RNF2: variants seen among roughly 807,000 people sequenced by gnomAD.
RNF2 encodes ring finger protein 2.
RNF2 carries 6 observed loss-of-function variants against 37.2 expected under a neutral mutation model. That is an observed-to-expected ratio of 0.16 (90% confidence interval 0.09 to 0.32). RNF2 has a LOEUF of 0.32. RNF2 is among the 10% of genes least tolerant of loss of function. The pLI is 1.00. For synonymous variants in RNF2, 133 were observed against 132.7 expected (o/e 1.00, Z -0.02); for missense variants, 251 against 404.0 (o/e 0.62, Z 3.25).
chr1:185,078,660 A>G (rs1651247432), intron 1 of RNF2, among the ~76,000 whole-genome samples: 1 of 152,204 alleles, frequency 6.6e-6, no homozygotes, highest in Non-Finnish European at 1.5e-5. Flanking sequence ...TACAAATCCC[A>G]GCACTTTGGG....
At position 185,072,711 on chromosome 1, in the gene RNF2, C is replaced by T. The variant is rs372720129; in HGVS notation, c.-2-14841C>T. Among the ~76,000 whole-genome samples, 8 of 152,146 alleles carry T rather than the reference C, an allele frequency of 5.3e-5. No individual in the cohort carries two copies. The East Asian group carries it at 7.7e-4, about 15-fold the overall frequency. On this transcript the variant is annotated intron_variant, in intron 1 of 6. Transcript: ENST00000367510. ...ATCCCAGCACTTTGGGAGGCTGAGG[C>T]GGGCGGATCATGAGGTCAGGAGATC...
chr1:185,054,070 G>A (rs1194357587), intron 1 of RNF2, among the ~76,000 whole-genome samples: 1 of 151,964 alleles, frequency 6.6e-6, no homozygotes, highest in Non-Finnish European at 1.5e-5. Context: ...TTTTGTATAT[G>A]TGTACTTATT....
chr1:185,077,414 G>A (rs1651201543), intron 1 of RNF2, among the ~76,000 whole-genome samples: 1 of 151,846 alleles, frequency 6.6e-6, no homozygotes, highest in African/African-American at 2.4e-5. Flanking sequence ...TAACAGGAAT[G>A]TGTCAAAAGT....
chr1:185,073,075 T>TA (rs1359386787), intron 1 of RNF2, among the ~76,000 whole-genome samples: 1 of 143,158 alleles, frequency 7.0e-6, no homozygotes, highest in Non-Finnish European at 1.5e-5. Flanking sequence ...TTTTTTTTTT[T>TA]ACTTAATGTG....
chr1:185,095,850 G>C (rs1651896501), intron 4 of RNF2, among the ~76,000 whole-genome samples: 1 of 152,038 alleles, frequency 6.6e-6, no homozygotes. Context: ...CCCTCTAAAG[G>C]CTTAATATTC....
At chr1:185,075,843 T>G (rs977640298) in intron 1 of RNF2, among the ~76,000 whole-genome samples, 1 of 152,254 alleles carries the variant, frequency 6.6e-6, no homozygotes, top group Admixed American at 6.5e-5. Flanking sequence ...CCACAAATCT[T>G]AAACCATATC....
At chr1:185,060,426 G>A (rs558290623) in intron 1 of RNF2, among the ~76,000 whole-genome samples, 5 of 152,308 alleles carry the variant, frequency 3.3e-5, no homozygotes, top group South Asian at 2.1e-4. Flanking sequence ...TATTATCTGA[G>A]TAGGGATATG....
At position 185,083,130 on chromosome 1, in the gene RNF2, G is replaced by A. The variant is rs115514080; in HGVS notation, c.-2-4422G>A. Among the ~76,000 whole-genome samples, 811 of 152,194 alleles carry A rather than the reference G, an allele frequency of 5.3e-3. 8 individuals are homozygous for A. Among genetic ancestry groups the A allele is most frequent in the Middle Eastern group, 0.02 (6 of 294 alleles). On this transcript the variant is annotated intron_variant, in intron 1 of 6. Transcript: ENST00000367510. ...CCCTGCTTCTTTGTTTGCTAATACGGAACAAAGCCTCTTATTTTTCTGCTT... is the reference window on the plus strand; with the variant it reads ...CCCTGCTTCTTTGTTTGCTAATACGAAACAAAGCCTCTTATTTTTCTGCTT...
At chr1:185,057,279 C>G (rs1372601481) in intron 1 of RNF2, among the ~76,000 whole-genome samples, 2 of 152,124 alleles carry the variant, frequency 1.3e-5, no homozygotes, top group Non-Finnish European at 2.9e-5. Flanking sequence ...CTGTTTCACT[C>G]TAGCCTGGGC....
rs3036553 is a variant in RNF2, at chr1:185,082,345, C to CTTTTTTTTTTTTTTT, written c.-2-5199_-2-5185dup. On this transcript the variant is annotated intron_variant, in intron 1 of 6. Coordinates refer to ENST00000367510, the MANE Select transcript of RNF2 (RefSeq NM_007212.4). The stretch of plus-strand genomic sequence containing the variant: ...CAAGGTTCTTGTCTCCTCTGCAGAA[C>CTTTTTTTTTTTTTTT]TTTTTTTTTTTTTTTTTTTTTTGAA... 2.3e-3 allele frequency among the ~76,000 whole-genome samples: 162 copies of CTTTTTTTTTTTTTTT among 71,966 alleles called. 23 individuals carry two copies. Among genetic ancestry groups the CTTTTTTTTTTTTTTT allele is most frequent in the East Asian group, 5.0e-3 (9 of 1,792 alleles). The allele number at this position is 71,966 out of a possible 152,430, so 47.2% of individuals were successfully genotyped here.
intron 1 of RNF2, among the ~76,000 whole-genome samples, chr1:185,061,583 T>TGGAA (rs1650606749): frequency 1.3e-5 from 2 of 152,184 alleles, no homozygotes; most frequent in South Asian, 4.1e-4. Flanking sequence ...CTAGCTATTC[T>TGGAA]CTTTAAGACA....
intron 1 of RNF2, among the ~76,000 whole-genome samples, chr1:185,051,747 C>A (rs199842890): frequency 1.4e-5 from 2 of 144,348 alleles, no homozygotes; most frequent in African/African-American, 5.0e-5. Flanking sequence ...TTTTTTTTTT[C>A]ATCTTTCAGA....
At chr1:185,094,187 G>T (rs1557974550) in intron 4 of RNF2, among the ~76,000 whole-genome samples, 1 of 151,360 alleles carries the variant, frequency 6.6e-6, no homozygotes, top group African/African-American at 2.4e-5. Flanking sequence ...TGTCACCCAG[G>T]CCAGAGTGCA....
intron 1 of RNF2, among the ~76,000 whole-genome samples, chr1:185,053,554 T>C (rs1300798587): frequency 6.6e-6 from 1 of 152,114 alleles, no homozygotes; most frequent in Non-Finnish European, 1.5e-5. Flanking sequence ...CGGGGTCTCA[T>C]ATTGCCCAGG....
intron 1 of RNF2, among the ~76,000 whole-genome samples, chr1:185,073,950 ACTT>A (rs1305947866): frequency 2.0e-5 from 3 of 152,220 alleles, no homozygotes; most frequent in Non-Finnish European, 4.4e-5. Flanking sequence ...GACTGCCTCC[ACTT>A]CAGATGCCAT....
chr1:185,072,548 TGGG>T (rs1271329114), intron 1 of RNF2, among the ~76,000 whole-genome samples: 2 of 151,902 alleles, frequency 1.3e-5, no homozygotes, highest in Non-Finnish European at 2.9e-5. Flanking sequence ...GGGAAAATCT[TGGG>T]GGGAAGAAAT....
intron 1 of RNF2, among the ~76,000 whole-genome samples, chr1:185,051,874 G>A (rs999136391): frequency 2.7e-5 from 4 of 146,346 alleles, no homozygotes; most frequent in Non-Finnish European, 6.0e-5. Flanking sequence ...ATATATATAT[G>A]TAAAAATGTG....
intron 1 of RNF2, among the ~76,000 whole-genome samples, chr1:185,055,157 TTAACCA>T (rs2102154485): frequency 6.6e-6 from 1 of 152,354 alleles, no homozygotes; most frequent in Non-Finnish European, 1.5e-5. Context: ...CGAGTATCCC[TTAACCA>T]AAATCCTTAG....
At chr1:185,080,724 A>G (rs189497721) in intron 1 of RNF2, among the ~76,000 whole-genome samples, 15 of 152,342 alleles carry the variant, frequency 9.8e-5, no homozygotes, top group South Asian at 4.1e-4. Context: ...TGGAAATGCA[A>G]CTAACTTGTC....
Sources: gnomAD v4.1 joint callset for allele counts (sites outside exome capture counted in the v4.1 genomes callset) on GRCh38, gnomAD v4.1.1 for gene constraint, MANE v1.5 for transcripts, NCBI Gene and HGNC (gene_info 2026-07-23, HGNC 2026-07-21) for gene names.